The following PPFIBP1 variants were observed in gnomAD, a reference collection of about 807,000 sequenced individuals.
PPFIBP1 encodes PPFIB scaffold protein 1.
A neutral mutation model predicts 137.8 loss-of-function variants in PPFIBP1; 112 were observed. The ratio of observed to expected loss-of-function variants is 0.81; its 90% CI spans 0.70 to 0.95. PPFIBP1 has a LOEUF of 0.95. Ranked by LOEUF, PPFIBP1 falls within the 40% of genes least tolerant of loss-of-function variation. The pLI, the probability that PPFIBP1 is intolerant of heterozygous loss-of-function variation, is 0.00. For missense variants in PPFIBP1, 1,083 were observed against 1,196.6 expected, an observed-to-expected ratio of 0.91 and a Z score of 1.40; for synonymous variants, 378 against 417.3, an observed-to-expected ratio of 0.91 and a Z score of 1.15.
At chr12:27,539,752 A>C (rs1049865435) in intron 1 of PPFIBP1, among the ~76,000 whole-genome samples, 15 of 152,272 alleles carry the variant, frequency 9.9e-5, no homozygotes, top group African/African-American at 3.6e-4. Context: ...AGAAAATTTG[A>C]GTAACATAGA....
chr12:27,673,337 G>A (rs1453758745), intron 15 of PPFIBP1, among the ~76,000 whole-genome samples: 2 of 152,202 alleles, frequency 1.3e-5, no homozygotes, highest in African/African-American at 2.4e-5. Flanking sequence ...GCCAGACTCA[G>A]AAATGTGATT....
chr12:27,612,328 GT>G (rs1173958726), intron 2 of PPFIBP1, among the ~76,000 whole-genome samples: 427 of 87,264 alleles, frequency 4.9e-3, no homozygotes, highest in East Asian at 0.018. Flanking sequence ...CTTTATTGGT[GT>G]TTTTTTTTTT....
rs746926088 is a variant in PPFIBP1 at position 27,566,351 on chromosome 12, T to TGATTAGCTCTGTG, written c.-123-11801_-123-11800insGATTAGCTCTGTG. ...CCACAGAAGATTAGCTCTGTGATTG[T>TGATTAGCTCTGTG]ATTCCAGGACAGCTGACTCCACCTG... On this transcript the variant is annotated intron_variant, in intron 1 of 29. Coordinates refer to ENST00000228425, the MANE Select transcript of PPFIBP1 (RefSeq NM_003622.4). Among the ~76,000 whole-genome samples, 737 of 152,342 alleles carry TGATTAGCTCTGTG rather than the reference T, an allele frequency of 4.8e-3. 6 individuals are homozygous for TGATTAGCTCTGTG. In the Middle Eastern group the frequency reaches 0.061, roughly 13 times the overall value.
chr12:27,632,759 A>G (rs974657274), intron 2 of PPFIBP1, among the ~76,000 whole-genome samples: 2 of 152,202 alleles, frequency 1.3e-5, no homozygotes, highest in African/African-American at 4.8e-5. Flanking sequence ...ACTAAGGATT[A>G]TGGATAATTT....
At chr12:27,663,540 C>G (rs781058011) in intron 11 of PPFIBP1, among the ~76,000 whole-genome samples, 1 of 151,814 alleles carries the variant, frequency 6.6e-6, no homozygotes, top group Non-Finnish European at 1.5e-5. Context: ...ATATGGAGGT[C>G]AAATTAGAAA....
At chr12:27,526,233 G>A (rs1031871329) in intron 1 of PPFIBP1, among the ~76,000 whole-genome samples, 7 of 152,144 alleles carry the variant, frequency 4.6e-5, no homozygotes, top group African/African-American at 1.4e-4. Flanking sequence ...GTAAAGAAGA[G>A]TATCTTTAGG....
intron 1 of PPFIBP1, among the ~76,000 whole-genome samples, chr12:27,557,087 A>G (rs1050302565): frequency 6.6e-6 from 1 of 152,018 alleles, no homozygotes; most frequent in African/African-American, 2.4e-5. Context: ...TGGTTTCCAT[A>G]TGTGTTTTAG....
At chr12:27,554,894 G>A (rs1183227788) in intron 1 of PPFIBP1, among the ~76,000 whole-genome samples, 1 of 151,914 alleles carries the variant, frequency 6.6e-6, no homozygotes, top group African/African-American at 2.4e-5. Context: ...GGAGTGGTTT[G>A]AAGAACTGGG....
rs2055057088 is a variant in PPFIBP1, at chr12:27,611,074, ACT to A, written c.-35-22285_-35-22284del. Among the ~76,000 whole-genome samples the A allele has an allele frequency of 2.0e-5, 3 of 152,294 alleles. No individual in the cohort carries two copies. In the South Asian group the frequency reaches 6.2e-4, roughly 32 times the overall value. On this transcript the variant is annotated intron_variant, in intron 2 of 29. Transcript: ENST00000228425. ...AATTTGAATCTGGGAGCAAGTAATCACTCTGTAAATGTTTGTTATGATACTGG... is the reference window on the plus strand; with the variant it reads ...AATTTGAATCTGGGAGCAAGTAATCACTGTAAATGTTTGTTATGATACTGG...
At chr12:27,610,243 T>C (rs1273782383) in intron 2 of PPFIBP1, among the ~76,000 whole-genome samples, 3 of 152,212 alleles carry the variant, frequency 2.0e-5, no homozygotes, top group African/African-American at 7.2e-5. Context: ...CCAGTAGTGA[T>C]TTTATAATAA....
At chr12:27,665,584 T>C (rs1212044729) in intron 12 of PPFIBP1, among the ~76,000 whole-genome samples, 4 of 152,338 alleles carry the variant, frequency 2.6e-5, no homozygotes, top group African/African-American at 7.2e-5. Flanking sequence ...ATTATTATTT[T>C]ATCTGCAGAT....
At chr12:27,577,173 T>C (rs919768419) in intron 1 of PPFIBP1, among the ~76,000 whole-genome samples, 12 of 152,002 alleles carry the variant, frequency 7.9e-5, no homozygotes, top group African/African-American at 2.9e-4. Flanking sequence ...TAGCCAGTAA[T>C]GCATTTTATT....
chr12:27,530,857 C>A (rs558442302), intron 1 of PPFIBP1, among the ~76,000 whole-genome samples: 1 of 152,266 alleles, frequency 6.6e-6, no homozygotes, highest in South Asian at 2.1e-4. Flanking sequence ...AGCAGGCCAT[C>A]GCGTGACCAA....
intron 1 of PPFIBP1, among the ~76,000 whole-genome samples, chr12:27,541,932 G>A (rs1945722887): frequency 6.6e-6 from 1 of 151,894 alleles, no homozygotes; most frequent in Admixed American, 6.6e-5. Context: ...GGCAGAGGGT[G>A]GCACCAACTG....
chr12:27,647,604 T>A, intron 5 of PPFIBP1, 125 bp from the exon 6 acceptor site: 1 of 572,804 alleles, frequency 1.7e-6, no homozygotes, highest in Non-Finnish European at 2.9e-6. Flanking sequence ...CTTCTCAGAT[T>A]TTTTTTTCTT....
chr12:27,682,963 G>A (rs567357784), intron 24 of PPFIBP1, among the ~76,000 whole-genome samples: 13 of 152,282 alleles, frequency 8.5e-5, no homozygotes, highest in Admixed American at 7.2e-4. Context: ...CTCTCCAGAA[G>A]GTTGATTTTA....
chr12:27,583,613 C>G (rs554263927), intron 2 of PPFIBP1, among the ~76,000 whole-genome samples: 3 of 152,150 alleles, frequency 2.0e-5, no homozygotes, highest in South Asian at 2.1e-4. Flanking sequence ...TAGTTGAAAG[C>G]CAAGTATCAA....
chr12:27,658,889 A>T (rs768433560), intron 10 of PPFIBP1, 41 bp downstream of exon 10: 2 of 1,570,486 alleles, frequency 1.3e-6, no homozygotes, highest in South Asian at 2.2e-5. Flanking sequence ...ACATTCACCA[A>T]AAATACTACC....
chr12:27,648,302 T>C (rs2058668724), intron 6 of PPFIBP1, among the ~76,000 whole-genome samples: 1 of 152,176 alleles, frequency 6.6e-6, no homozygotes, highest in South Asian at 2.1e-4. Context: ...AATGAGATAC[T>C]ATCTCACCCC....
Sources: gnomAD v4.1 joint callset for allele counts (sites outside exome capture counted in the v4.1 genomes callset) on GRCh38, gnomAD v4.1.1 for gene constraint, MANE v1.5 for transcripts, NCBI Gene and HGNC (gene_info 2026-07-23, HGNC 2026-07-21) for gene names.